Variants in BEND7 observed in about 807,000 individuals in gnomAD.
The protein encoded by BEND7 is BEN domain-containing protein 7.
Under a neutral mutation model 50.9 loss-of-function variants are expected in BEND7, and 28 were observed. That is an observed-to-expected ratio of 0.55 (90% CI 0.41 to 0.75). BEND7 has a LOEUF of 0.75. Among genes scored for constraint, BEND7 ranks in the 30% least tolerant of loss-of-function variants. The pLI, the probability that BEND7 is intolerant of heterozygous loss-of-function variation, is 0.00. For missense variants in BEND7, 477 were observed against 491.3 expected, an observed-to-expected ratio of 0.97 and a Z score of 0.28; for synonymous variants, 170 against 183.9, an observed-to-expected ratio of 0.92 and a Z score of 0.61.
At chr10:13,494,135 C>T (rs1030044493) in intron 4 of BEND7, among the ~76,000 whole-genome samples, 30 of 152,188 alleles carry the variant, frequency 2.0e-4, no homozygotes, top group African/African-American at 6.5e-4. Context: ...ACTGAGATGC[C>T]GGGCCAGGCA....
At chr10:13,477,085 C>CT (rs1342437128) in intron 6 of BEND7, among the ~76,000 whole-genome samples, 1 of 152,094 alleles carries the variant, frequency 6.6e-6, no homozygotes, top group African/African-American at 2.4e-5. Context: ...ATCCCCCAAA[C>CT]TTTTTTTCAG....
intron 5 of BEND7, among the ~76,000 whole-genome samples, chr10:13,485,003 A>G (rs1046397147): frequency 6.6e-6 from 1 of 152,180 alleles, no homozygotes; most frequent in Non-Finnish European, 1.5e-5. Context: ...TTGCATTTCA[A>G]CTGTGGTCTC....
intron 5 of BEND7, among the ~76,000 whole-genome samples, chr10:13,484,225 G>A (rs559999345): frequency 6.6e-6 from 1 of 152,186 alleles, no homozygotes; most frequent in Non-Finnish European, 1.5e-5. Context: ...TCTAAGCCAG[G>A]AGTGAACAAG....
At chr10:13,526,462 C>T (rs916172702) in intron 1 of BEND7, among the ~76,000 whole-genome samples, 4 of 152,186 alleles carry the variant, frequency 2.6e-5, no homozygotes, top group African/African-American at 9.7e-5. Context: ...CTTGATCACA[C>T]CATGTTCACG....
Position 13,516,451 on chromosome 10 carries a change from C to T in BEND7, c.145+9687G>A, listed in dbSNP as rs145016839. On this transcript the variant is annotated intron_variant, in intron 2 of 8. Transcript: ENST00000466271. ...CTATTAAAATAGAAAACAGGCTGGG[C>T]GCGGTGGCTCACGCTGGTAATTCCA... is the stretch of plus-strand genomic sequence containing the variant. 8.7e-3 allele frequency among the ~76,000 whole-genome samples: 1,325 copies of T among 152,258 alleles called. 10 individuals are homozygous for T. Among genetic ancestry groups the T allele is most frequent in the African/African-American group, 0.03 (1,250 of 41,540 alleles).
intron 5 of BEND7, among the ~76,000 whole-genome samples, chr10:13,486,725 G>T (rs2076250611): frequency 6.6e-6 from 1 of 152,218 alleles, no homozygotes; most frequent in African/African-American, 2.4e-5. Context: ...TTTTAGAAGA[G>T]AATACAATTT....
chr10:13,525,857 G>A (rs1055409017), intron 2 of BEND7, among the ~76,000 whole-genome samples: 6 of 152,324 alleles, frequency 3.9e-5, no homozygotes, highest in African/African-American at 1.4e-4. Context: ...TAAATGGGGT[G>A]AGCGCAGAGC....
At chr10:13,499,016 C>G (rs1426967359) in intron 3 of BEND7, among the ~76,000 whole-genome samples, 1 of 152,172 alleles carries the variant, frequency 6.6e-6, no homozygotes, top group Non-Finnish European at 1.5e-5. Flanking sequence ...ACTGAAAATG[C>G]TTTCTTACCT....
chr10:13,446,777 C>T, intron 8 of BEND7: 1 of 173,754 alleles, frequency 5.8e-6, no homozygotes, highest in Non-Finnish European at 1.2e-5. Flanking sequence ...TAGGAATGTG[C>T]CACTCACGCC....
intron 5 of BEND7, among the ~76,000 whole-genome samples, chr10:13,487,623 TG>T (rs1334890490): frequency 6.6e-6 from 1 of 152,054 alleles, no homozygotes; most frequent in Non-Finnish European, 1.5e-5. Context: ...TGATCTCAGC[TG>T]ATCTACTAGC....
chr10:13,454,490 C>A (rs1217167739), intron 6 of BEND7, among the ~76,000 whole-genome samples: 1 of 151,988 alleles, frequency 6.6e-6, no homozygotes, highest in Non-Finnish European at 1.5e-5. Context: ...AGTGGTGGTG[C>A]AAGCCTGTGG....
At chr10:13,488,388 T>C (rs2076398246) in intron 5 of BEND7, among the ~76,000 whole-genome samples, 1 of 152,188 alleles carries the variant, frequency 6.6e-6, no homozygotes, top group Non-Finnish European at 1.5e-5. Flanking sequence ...ATATATAATC[T>C]TGAAAAACAG....
At chr10:13,440,549 TC>T (rs1835189682), downstream of BEND7, among the ~76,000 whole-genome samples, 2 of 152,086 alleles carry the variant, frequency 1.3e-5, no homozygotes, top group South Asian at 4.1e-4. Flanking sequence ...GAATTGAACC[TC>T]CGAAGAAGCT....
chr10:13,466,615 C>T lies in BEND7; in HGVS notation c.1064-13957G>A, dbSNP rs575359290. Among the ~76,000 whole-genome samples the T allele has an allele frequency of 1.4e-4, 21 of 151,962 alleles. No homozygotes were observed. The South Asian group carries it at 4.2e-3, about 30-fold the overall frequency. ...TCTACTTGGAAGGTGCATTATGTTT[C>T]GTATAACTCATTTATTTATTTTATA... On this transcript the variant is annotated intron_variant, in intron 6 of 8. Coordinates refer to ENST00000466271, the MANE Select transcript of BEND7 (RefSeq NM_001369863.1).
Position 13,528,941 on chromosome 10 carries a change from C to G in BEND7, c.-408G>C, listed in dbSNP as rs2132873638. The G allele has an allele frequency of 7.0e-6, 1 of 143,392 alleles. No individual in the cohort carries two copies. The highest frequency in any genetic ancestry group is 2.1e-4 in the East Asian group (1 of 4,734). The allele number at this position is 143,392 out of a possible 1,614,324, so 8.9% of individuals were successfully genotyped here. On this transcript the variant is annotated 5_prime_UTR_variant, in exon 1 of 9. Coordinates refer to ENST00000466271, the MANE Select transcript of BEND7 (RefSeq NM_001369863.1). ...GCTCGGGGCGGCCGGCCCGCCTGGG[C>G]TCAGCCTGCGGTCGCGGCGGCGGCG...
intron 2 of BEND7, among the ~76,000 whole-genome samples, chr10:13,524,238 A>C (rs1439796192): frequency 6.6e-6 from 1 of 152,262 alleles, no homozygotes; most frequent in Non-Finnish European, 1.5e-5. Flanking sequence ...TTGCTGGAGA[A>C]CTAAATCAAG....
intron 2 of BEND7, among the ~76,000 whole-genome samples, chr10:13,509,545 C>T (rs1017117023): frequency 3.9e-5 from 6 of 152,186 alleles, no homozygotes; most frequent in Non-Finnish European, 5.9e-5. Flanking sequence ...AACGCATGAT[C>T]AATGCCTTAG....
intron 5 of BEND7, among the ~76,000 whole-genome samples, chr10:13,482,788 G>C (rs965020947): frequency 1.3e-5 from 2 of 152,198 alleles, no homozygotes; most frequent in African/African-American, 4.8e-5. Context: ...GCTGGTTCCA[G>C]GTCTCCAGAG....
intron 5 of BEND7, 39 bp downstream of exon 5, chr10:13,492,572 C>T: frequency 6.2e-7 from 1 of 1,606,122 alleles, no homozygotes; most frequent in Non-Finnish European, 8.5e-7. Context: ...CCAAAAGTTA[C>T]ATAGCATTAG....
Sources: gnomAD v4.1 joint callset for allele counts (sites outside exome capture counted in the v4.1 genomes callset) on GRCh38, gnomAD v4.1.1 for gene constraint, MANE v1.5 for transcripts, NCBI Gene and HGNC (gene_info 2026-07-23, HGNC 2026-07-21) for gene names.